Variants in DDX23 observed in about 807,000 individuals in gnomAD.
The protein encoded by DDX23 is probable ATP-dependent RNA helicase DDX23.
A neutral mutation model predicts 102.7 loss-of-function variants in DDX23; 33 were observed. The ratio of observed to expected loss-of-function variants is 0.32; its 90% CI spans 0.24 to 0.43. The LOEUF is 0.43. Ranked by LOEUF, DDX23 falls within the 20% of genes least tolerant of loss-of-function variation. The pLI is 1.00. For synonymous variants in DDX23, 352 were observed against 376.0 expected, an observed-to-expected ratio of 0.94 and a Z score of 0.74; for missense variants, 549 against 1,086.6, an observed-to-expected ratio of 0.51 and a Z score of 6.96.
At position 48,833,348 on chromosome 12, in the gene DDX23, C is replaced by T; in HGVS notation, c.1732G>A (p.Asp578Asn). The change falls in exon 13 of 17, where the codon GAC becomes AAC. Residue 578 changes from aspartate (D) to asparagine (N), a missense_variant. Around this residue, in one of 4 missense-constraint regions of DDX23, gnomAD observed 270 missense variants for 707.0 expected, o/e 0.38. Coordinates refer to ENST00000308025, the MANE Select transcript of DDX23 (RefSeq NM_004818.3). ...TCAGGGTCCTCAGCCTCATCCGTGT[C>T]TGGCTTCTGGTTGCTGACAGGCATG... is the stretch of plus-strand genomic sequence containing the variant. ...EHMPVSNQKP[D>N]TDEAEDPEKM... The T allele has an allele frequency of 1.2e-6, 2 of 1,614,190 alleles. No individual in the cohort carries two copies. The highest frequency in any genetic ancestry group is 1.7e-6 in the Non-Finnish European group (2 of 1,180,048).
intron 1 of DDX23, chr12:48,847,433 T>G (rs1938685151): frequency 6.6e-6 from 1 of 151,350 alleles, no homozygotes; most frequent in Non-Finnish European, 1.5e-5. Flanking sequence ...GAGAATCACT[T>G]GAACCCAGGA....
chr12:48,836,006 G>A lies in DDX23; in HGVS notation c.1382+115C>T. The A allele has an allele frequency of 1.7e-6, 2 of 1,205,640 alleles. No individual in the cohort carries two copies. Among genetic ancestry groups the A allele is most frequent in the Non-Finnish European group, 2.4e-6 (2 of 849,160 alleles). 74.7% of individuals were successfully genotyped at this position (1,205,640 alleles called of 1,614,324 possible). A position where few individuals can be genotyped will look rare whatever the true frequency, so the allele number is the denominator to read the frequency against. On this transcript the variant is annotated intron_variant, in intron 11 of 16. Transcript: ENST00000308025. This position sits in a 1 kb window ranked among gnomAD's most constrained non-coding sequence, Gnocchi z 6.1. Reference sequence around the variant, plus strand: ...CAATTATTCCCTAATATCCAACAAAGAATAAAGAAGAAAGCTTCTGATTAT... The same window carrying A: ...CAATTATTCCCTAATATCCAACAAAAAATAAAGAAGAAAGCTTCTGATTAT...
chr12:48,838,686 C>T (rs560150150), intron 5 of DDX23, among the ~76,000 whole-genome samples: 1 of 151,764 alleles, frequency 6.6e-6, no homozygotes, highest in African/African-American at 2.4e-5. Flanking sequence ...CCTATCTCTA[C>T]TAAAAAAATA....
chr12:48,832,304 G>GA lies in DDX23; in HGVS notation c.1955+117dup. 1.3e-6 allele frequency: 2 copies of GA among 1,551,912 alleles called. No individual in the cohort carries two copies. The highest frequency in any genetic ancestry group is 1.8e-6 in the Non-Finnish European group (2 of 1,135,586). On this transcript the variant is annotated intron_variant, in intron 14 of 16. Coordinates refer to ENST00000308025, the MANE Select transcript of DDX23 (RefSeq NM_004818.3). This position sits in a 1 kb window ranked among gnomAD's most constrained non-coding sequence, Gnocchi z 4.4. Reference sequence around the variant, plus strand: ...TTAATGCCCATGACATTCTGCCCAAGAAAACAGCAGCTCTTCAACACAGCA... The same window carrying GA: ...TTAATGCCCATGACATTCTGCCCAAGAAAAACAGCAGCTCTTCAACACAGCA...
chr12:48,844,632 ACTT>A (rs1029816184), intron 2 of DDX23, among the ~76,000 whole-genome samples: 2 of 139,828 alleles, frequency 1.4e-5, no homozygotes, highest in African/African-American at 5.3e-5. Flanking sequence ...TTCCCTCTCA[ACTT>A]TTTTTTTTTT....
At chr12:48,841,184 G>A (rs556297990) in intron 3 of DDX23, among the ~76,000 whole-genome samples, 27 of 152,006 alleles carry the variant, frequency 1.8e-4, no homozygotes, top group African/African-American at 6.3e-4. Context: ...TCAAGAGTTC[G>A]AGACCAGCCT....
Position 48,840,103 on chromosome 12 carries a change from T to C in DDX23, c.324A>G (p.Leu108=), listed in dbSNP as rs149068656. Residue 108 remains leucine, a synonymous_variant, in exon 4 of 17, where the codon TTA becomes TTG. Transcript: ENST00000308025. ...RRDKDRKRSS[L]SPGRGKDFKS... is the part of the protein sequence containing the mutation. ...TAAAGTCTTTTCCTCGACCAGGAGA[T>C]AAGCTTTGAGGAAAAGGAACAAGGT... The C allele has an allele frequency of 3.7e-5, 60 of 1,613,648 alleles. No homozygotes were observed. In the African/African-American group the frequency reaches 7.2e-4, roughly 19 times the overall value.
intron 3 of DDX23, among the ~76,000 whole-genome samples, chr12:48,841,407 A>G (rs973334334): frequency 1.1e-4 from 16 of 152,160 alleles, no homozygotes; most frequent in African/African-American, 3.9e-4. Context: ...CCAAAGATTC[A>G]GAGAAGAATC....
At chr12:48,834,570 A>C (rs1206912463) in intron 11 of DDX23, 73 bp from the exon 12 acceptor site, 2 of 1,451,016 alleles carry the variant, frequency 1.4e-6, no homozygotes, top group Non-Finnish European at 1.9e-6. Flanking sequence ...AGCAAGACAA[A>C]GTCACTCTTA....
chr12:48,848,629 A>G (rs1222094571), intron 1 of DDX23, among the ~76,000 whole-genome samples: 1 of 152,172 alleles, frequency 6.6e-6, no homozygotes, highest in Non-Finnish European at 1.5e-5. Flanking sequence ...CTCTCACGCA[A>G]GATGGAGGGC....
chr12:48,849,554 C>T (rs925959284), intron 1 of DDX23, among the ~76,000 whole-genome samples: 1 of 151,858 alleles, frequency 6.6e-6, no homozygotes, highest in East Asian at 1.9e-4. Context: ...CCCAGATACT[C>T]GGAAGGCTGA....
chr12:48,844,860 A>C (rs1169988519), intron 2 of DDX23, among the ~76,000 whole-genome samples: 2 of 151,060 alleles, frequency 1.3e-5, no homozygotes, highest in Non-Finnish European at 2.9e-5. Flanking sequence ...ATGTACAAAA[A>C]GTAGATGCCT....
At chr12:48,838,161 C>T in intron 5 of DDX23, 81 bp from the exon 6 acceptor site, 1 of 1,587,870 alleles carries the variant, frequency 6.3e-7, no homozygotes, top group Non-Finnish European at 8.6e-7. Flanking sequence ...TGGCAGGGAA[C>T]CCAAAAGTAT....
Position 48,836,572 on chromosome 12 carries a change from G to A in DDX23, c.1233C>T (p.Tyr411=). 6.2e-7 allele frequency: 1 copy of A among 1,612,998 alleles called. No homozygotes were observed. The highest frequency in any genetic ancestry group is 8.5e-7 in the Non-Finnish European group (1 of 1,179,828). ...GGGCCAATCTATCCCTCCTTACCTTGTAGCCACACTTATCAATGACCTCCA... is the reference window on the plus strand; with the variant it reads ...GGGCCAATCTATCCCTCCTTACCTTATAGCCACACTTATCAATGACCTCCA... ...HILEVIDKCG[Y]KEPTPIQRQA... The change falls in exon 10 of 17, where the codon TAC becomes TAT. Residue 411 remains tyrosine (Y), a synonymous_variant. Transcript: ENST00000308025. This position sits in a 1 kb window ranked among gnomAD's most constrained non-coding sequence, Gnocchi z 6.1.
intron 12 of DDX23, 109 bp downstream of exon 12, chr12:48,834,211 A>G: frequency 9.5e-7 from 1 of 1,055,228 alleles, no homozygotes; most frequent in Non-Finnish European, 1.4e-6. Context: ...ACATATATAT[A>G]AACCAGCTCC....
chr12:48,850,197 G>C (rs529847811), intron 1 of DDX23, among the ~76,000 whole-genome samples: 1 of 152,168 alleles, frequency 6.6e-6, no homozygotes, highest in African/African-American at 2.4e-5. Flanking sequence ...GGAACGTGGC[G>C]ATGGAGATGG....
At chr12:48,838,885 A>G (rs1478427412) in intron 5 of DDX23, among the ~76,000 whole-genome samples, 4 of 151,976 alleles carry the variant, frequency 2.6e-5, no homozygotes, top group Non-Finnish European at 4.4e-5. Context: ...TGTGTTATAT[A>G]TATTTTTTGA....
Position 48,845,387 on chromosome 12 carries a change from G to A in DDX23, c.209+187C>T, listed in dbSNP as rs1361694657. Among the ~76,000 whole-genome samples the A allele has an allele frequency of 6.6e-5, 10 of 151,852 alleles. No homozygotes were observed. The Middle Eastern group carries it at 0.014, about 207-fold the overall frequency. On this transcript the variant is annotated intron_variant, in intron 2 of 16. Coordinates refer to ENST00000308025, the MANE Select transcript of DDX23 (RefSeq NM_004818.3). ...GGAGAATGGCGTGAACCTGCGAGGC[G>A]GAGCTTGCAGTGAGCTGAGATCGCA...
At position 48,833,370 on chromosome 12, in the gene DDX23, C is replaced by G; in HGVS notation, c.1710G>C (p.Met570Ile). Residue 570 changes from methionine to isoleucine, a missense_variant, in exon 13 of 17, where the codon ATG becomes ATC. This residue lies in a region of DDX23 where 270 missense variants were observed against 707.0 expected (regional missense o/e 0.38). Coordinates refer to ENST00000308025, the MANE Select transcript of DDX23 (RefSeq NM_004818.3). ...TGTCTGGCTTCTGGTTGCTGACAGG[C>G]ATGTGCTCCAGGATCTTCTGGACAT... ...EPDVQKILEHMPVSNQKPDTD... is the reference protein window; with the variant it reads ...EPDVQKILEHIPVSNQKPDTD... The G allele has an allele frequency of 6.2e-7, 1 of 1,614,200 alleles. No individual in the cohort carries two copies. Among genetic ancestry groups the G allele is most frequent in the Non-Finnish European group, 8.5e-7 (1 of 1,180,032 alleles).
Sources: gnomAD v4.1 joint callset for allele counts (sites outside exome capture counted in the v4.1 genomes callset) on GRCh38, gnomAD v4.1.1 for gene constraint, gnomAD v4.1.1 regional missense constraint, Gnocchi (gnomAD v3.1) non-coding constraint, MANE v1.5 for transcripts, NCBI Gene and HGNC (gene_info 2026-07-23, HGNC 2026-07-21) for gene names.